RNF169: variants seen among roughly 807,000 people sequenced by gnomAD.
RNF169 encodes the protein E3 ubiquitin-protein ligase RNF169.
A neutral mutation model predicts 53.9 loss-of-function variants in RNF169; 24 were observed. The observed-to-expected ratio is 0.45, with a 90% CI of 0.32 to 0.63. The LOEUF (loss-of-function observed/expected upper bound fraction) is 0.63, where lower values mean the gene tolerates loss of function less well. Among genes scored for constraint, RNF169 ranks in the 20% least tolerant of loss-of-function variants. The pLI, the probability that RNF169 is intolerant of heterozygous loss-of-function variation, is 0.04. For missense variants in RNF169, 883 were observed against 906.2 expected, an observed-to-expected ratio of 0.97 and a Z score of 0.33; for synonymous variants, 396 against 363.5, an observed-to-expected ratio of 1.09 and a Z score of -1.02.
chr11:74,817,490 G>A, intron 3 of RNF169, 106 bp from the exon 4 acceptor site: 2 of 701,640 alleles, frequency 2.9e-6, no homozygotes, highest in Non-Finnish European at 5.0e-6. Flanking sequence ...ACATAGGTTG[G>A]AGCTCACAGA....
At chr11:74,797,153 A>G (rs1364809779) in intron 2 of RNF169, among the ~76,000 whole-genome samples, 1 of 152,236 alleles carries the variant, frequency 6.6e-6, no homozygotes, top group Non-Finnish European at 1.5e-5. Flanking sequence ...AGTGATTAGT[A>G]GCTCTATAAG....
intron 2 of RNF169, among the ~76,000 whole-genome samples, chr11:74,792,409 C>CT (rs368029643): frequency 1.7e-4 from 25 of 148,742 alleles, no homozygotes; most frequent in East Asian, 5.9e-4. Flanking sequence ...AGTAGGGTTT[C>CT]TTTTTTTTTT....
At chr11:74,794,468 A>G (rs2035619946) in intron 2 of RNF169, among the ~76,000 whole-genome samples, 1 of 152,224 alleles carries the variant, frequency 6.6e-6, no homozygotes, top group East Asian at 1.9e-4. Flanking sequence ...TAGGATTGCT[A>G]GCATATATAA....
chr11:74,817,662 C>T lies in RNF169; in HGVS notation c.790C>T (p.Arg264Cys), dbSNP rs777393692. ...PSRGQMTQTHRSAFVSKNNSY... is the reference protein window; with the variant it reads ...PSRGQMTQTHCSAFVSKNNSY... Reference sequence around the variant, plus strand: ...TCGAGGCCAGATGACACAGACACATCGCTCGGCATTTGTTTCCAAGAACAA... The same window carrying T: ...TCGAGGCCAGATGACACAGACACATTGCTCGGCATTTGTTTCCAAGAACAA... Residue 264 changes from arginine to cysteine, a missense_variant, in exon 4 of 6, where the codon CGC (arginine) becomes TGC (cysteine). Arg to Cys is a radical substitution (Grantham distance 180). Around this residue, in one of 3 missense-constraint regions of RNF169, gnomAD observed 219 missense variants for 289.1 expected, o/e 0.76. Coordinates refer to ENST00000299563, the MANE Select transcript of RNF169 (RefSeq NM_001098638.2). The T allele has an allele frequency of 7.4e-6, 12 of 1,613,948 alleles. No individual in the cohort carries two copies. The highest frequency in any genetic ancestry group is 6.6e-5 in the South Asian group (6 of 91,080).
rs575959729 is a variant in RNF169, at chr11:74,838,546, T to C, written c.*1816T>C. On this transcript the variant is annotated 3_prime_UTR_variant, in exon 6 of 6. Transcript: ENST00000299563. ...TTAAACATTGTGGTCATCATTGAGA[T>C]AGGTGGAATCTCTTTGGTGACTACG... The C allele has an allele frequency of 2.0e-5, 3 of 152,232 alleles. No homozygotes were observed. Among genetic ancestry groups the C allele is most frequent in the South Asian group, 2.1e-4 (1 of 4,826 alleles). 9.4% of individuals were successfully genotyped at this position (152,232 alleles called of 1,614,324 possible). A position where few individuals can be genotyped will look rare whatever the true frequency, so the allele number is the denominator to read the frequency against.
intron 1 of RNF169, among the ~76,000 whole-genome samples, chr11:74,751,899 T>C (rs1039064097): frequency 3.9e-5 from 6 of 152,092 alleles, no homozygotes; most frequent in African/African-American, 1.2e-4. Context: ...GGCAGTGCAT[T>C]CACAGGATTC....
At chr11:74,769,801 C>G (rs986347559) in intron 1 of RNF169, among the ~76,000 whole-genome samples, 1 of 152,196 alleles carries the variant, frequency 6.6e-6, no homozygotes, top group Non-Finnish European at 1.5e-5. Flanking sequence ...AGACTCTACT[C>G]TCCTTGTACC....
intron 1 of RNF169, among the ~76,000 whole-genome samples, chr11:74,771,602 G>C (rs1446505842): frequency 6.6e-6 from 1 of 152,186 alleles, no homozygotes; most frequent in African/African-American, 2.4e-5. Context: ...TACTCAGGAG[G>C]CTGAGGTGGG....
chr11:74,805,030 A>G (rs760029808), intron 2 of RNF169, among the ~76,000 whole-genome samples: 47 of 152,222 alleles, frequency 3.1e-4, no homozygotes, highest in Non-Finnish European at 5.4e-4. Flanking sequence ...CAGCAATTCC[A>G]CTTGTAGCTA....
chr11:74,759,957 G>C (rs1247110096), intron 1 of RNF169, among the ~76,000 whole-genome samples: 1 of 150,636 alleles, frequency 6.6e-6, no homozygotes, highest in Non-Finnish European at 1.5e-5. Context: ...TTTTTGGTTG[G>C]TAAACTATTG....
At position 74,819,819 on chromosome 11, in the gene RNF169, A is replaced by G. The variant is rs575532437; in HGVS notation, c.842+2105A>G. Among the ~76,000 whole-genome samples the G allele has an allele frequency of 4.6e-5, 7 of 152,340 alleles. No individual in the cohort carries two copies. The East Asian group carries it at 1.2e-3, about 25-fold the overall frequency. On this transcript the variant is annotated intron_variant, in intron 4 of 5. Coordinates refer to ENST00000299563, the MANE Select transcript of RNF169 (RefSeq NM_001098638.2). ...TGCTTTAGCAATAGTTTATATTGAT[A>G]CTTTTTATAGATGCTATAAAAGAAA...
intron 1 of RNF169, among the ~76,000 whole-genome samples, chr11:74,765,048 C>A (rs1244976922): frequency 6.6e-6 from 1 of 152,050 alleles, no homozygotes; most frequent in Non-Finnish European, 1.5e-5. Context: ...CCTGTCTCTA[C>A]TAAAAATCAA....
chr11:74,757,241 T>G (rs2034998978), intron 1 of RNF169, among the ~76,000 whole-genome samples: 1 of 127,308 alleles, frequency 7.9e-6, no homozygotes, highest in South Asian at 3.1e-4. Flanking sequence ...AGTGAGAATA[T>G]GCGGTGTTTG....
rs117262681 is a variant in RNF169 at position 74,780,198 on chromosome 11, A to G, written c.503-9428A>G. ...TTTTTCCTTTCTTTGTAAGATTGTA[A>G]ACTTATTTAGGACTTGAATCACCCA... On this transcript the variant is annotated intron_variant, in intron 1 of 5. Transcript: ENST00000299563. Among the ~76,000 whole-genome samples, 729 of 152,128 alleles carry G rather than the reference A, an allele frequency of 4.8e-3. 3 individuals are homozygous for G. Among genetic ancestry groups the G allele is most frequent in the Non-Finnish European group, 7.7e-3 (522 of 68,012 alleles).
chr11:74,805,355 G>C (rs1263666379), intron 2 of RNF169, among the ~76,000 whole-genome samples: 2 of 152,172 alleles, frequency 1.3e-5, no homozygotes, highest in African/African-American at 2.4e-5. Flanking sequence ...GTAGCCTGGG[G>C]CTAAGTGGTT....
At chr11:74,791,565 G>C (rs1246985232) in intron 2 of RNF169, among the ~76,000 whole-genome samples, 2 of 152,244 alleles carry the variant, frequency 1.3e-5, no homozygotes, top group Non-Finnish European at 2.9e-5. Context: ...CGAGGTGGCA[G>C]GGCGCTGCCA....
intron 1 of RNF169, among the ~76,000 whole-genome samples, chr11:74,755,921 C>G (rs1278453504): frequency 6.6e-6 from 1 of 152,052 alleles, no homozygotes; most frequent in Non-Finnish European, 1.5e-5. Flanking sequence ...CTATAAAGCT[C>G]TTAAAGATTT....
chr11:74,830,551 A>T (rs2036163099), intron 4 of RNF169: 1 of 152,058 alleles, frequency 6.6e-6, no homozygotes, highest in Non-Finnish European at 1.5e-5. Flanking sequence ...CATAATAAAA[A>T]AAAAAAAATC....
chr11:74,753,547 G>C (rs1362104037), intron 1 of RNF169, among the ~76,000 whole-genome samples: 1 of 152,104 alleles, frequency 6.6e-6, no homozygotes, highest in African/African-American at 2.4e-5. Flanking sequence ...ACTTTCAATG[G>C]CAAAAACAGC....
Sources: gnomAD v4.1 joint callset for allele counts (sites outside exome capture counted in the v4.1 genomes callset) on GRCh38, gnomAD v4.1.1 for gene constraint, gnomAD v4.1.1 regional missense constraint, MANE v1.5 for transcripts, NCBI Gene and HGNC (gene_info 2026-07-23, HGNC 2026-07-21) for gene names.